Variants in CLVS1 observed in about 807,000 individuals in gnomAD.
The protein encoded by CLVS1 is clavesin-1.
In CLVS1, 10 loss-of-function variants were observed where a neutral mutation model predicts 33.1. The ratio of observed to expected loss-of-function variants is 0.30; its 90% CI spans 0.19 to 0.51. The LOEUF (loss-of-function observed/expected upper bound fraction) is 0.51, where lower values mean the gene tolerates loss of function less well. Ranked by LOEUF, CLVS1 falls within the 20% of genes least tolerant of loss-of-function variation. The probability of loss-of-function intolerance (pLI) is 0.97; values close to 1 mark genes in which losing one functional copy is unlikely to be tolerated. For missense variants in CLVS1, 343 were observed against 433.4 expected, an observed-to-expected ratio of 0.79 and a Z score of 1.85; for synonymous variants, 163 against 166.1, an observed-to-expected ratio of 0.98 and a Z score of 0.14.
At chr8:61,187,642 GATAT>G (rs1473541915) in intron 2 of CLVS1, among the ~76,000 whole-genome samples, 5 of 36,934 alleles carry the variant, frequency 1.4e-4, no homozygotes, top group South Asian at 1.1e-3. Flanking sequence ...GACTTTGCCA[GATAT>G]GCCAGATATA....
chr8:61,431,991 T>C (rs1399197064), intron 3 of CLVS1, among the ~76,000 whole-genome samples: 1 of 152,252 alleles, frequency 6.6e-6, no homozygotes, highest in Non-Finnish European at 1.5e-5. Context: ...GCTGTCTATC[T>C]TCAAAGACAA....
chr8:61,069,438 C>T (rs1190169999), intron 1 of CLVS1, among the ~76,000 whole-genome samples: 1 of 151,890 alleles, frequency 6.6e-6, no homozygotes, highest in East Asian at 1.9e-4. Flanking sequence ...CCTCTGTTTT[C>T]CCTTCCTTCC....
rs1039089934 is a variant in CLVS1, at chr8:61,239,274, A to G, written c.-151-60403A>G. 2.0e-5 allele frequency among the ~76,000 whole-genome samples: 3 copies of G among 152,348 alleles called. No individual in the cohort carries two copies. In the East Asian group the frequency reaches 5.8e-4, roughly 29 times the overall value. On this transcript the variant is annotated intron_variant, in intron 2 of 2. Coordinates refer to the CLVS1 transcript ENST00000522621. ...TACATTGTAGAATCTATACAACTGG[A>G]CATATCAACCCTGCAGAGACATTGC...
At chr8:61,175,852 C>A (rs1252736654) in intron 2 of CLVS1, among the ~76,000 whole-genome samples, 1 of 152,166 alleles carries the variant, frequency 6.6e-6, no homozygotes, top group African/African-American at 2.4e-5. Context: ...TGATTTGTTA[C>A]AGCAGCTTTA....
intron 5 of CLVS1, among the ~76,000 whole-genome samples, chr8:61,475,552 A>G (rs1817892551): frequency 6.6e-6 from 1 of 152,192 alleles, no homozygotes; most frequent in Non-Finnish European, 1.5e-5. Context: ...GTCAGTGATG[A>G]TGAGCATTTT....
At chr8:61,442,874 A>G (rs1333563082) in intron 3 of CLVS1, among the ~76,000 whole-genome samples, 1 of 152,098 alleles carries the variant, frequency 6.6e-6, no homozygotes, top group Non-Finnish European at 1.5e-5. Context: ...CTGGGATTAT[A>G]AGGCATGAGC....
At chr8:61,474,738 G>A (rs1024819762) in intron 5 of CLVS1, among the ~76,000 whole-genome samples, 5 of 152,164 alleles carry the variant, frequency 3.3e-5, no homozygotes, top group African/African-American at 1.2e-4. Context: ...TGTGCATGTG[G>A]CACCCCAAAG....
chr8:61,465,649 C>A (rs1039870162), intron 5 of CLVS1: 1 of 151,900 alleles, frequency 6.6e-6, no homozygotes, highest in Non-Finnish European at 1.5e-5. Context: ...ACTTTTTATT[C>A]CTGTTTTTTC....
upstream of CLVS1, among the ~76,000 whole-genome samples, chr8:61,053,861 C>A (rs4545092): frequency 0.57 from 86,266 of 152,110 alleles, 25,723 homozygotes; most frequent in African/African-American, 0.74. Context: ...GACATCCTAC[C>A]TGTCGGGTGG....
At chr8:60,994,607 T>G in the CLVS1 span, among the ~76,000 whole-genome samples, 1 of 152,192 alleles carries the variant, frequency 6.6e-6, no homozygotes, top group African/African-American at 2.4e-5. Context: ...CCTCTCTACC[T>G]GATGGGCTAC....
chr8:61,250,957 T>A (rs549677225), intron 2 of CLVS1, among the ~76,000 whole-genome samples: 1 of 152,220 alleles, frequency 6.6e-6, no homozygotes, highest in African/African-American at 2.4e-5. Flanking sequence ...CTGTGTTGAA[T>A]AGGAGTGGTG....
At chr8:61,204,994 A>T (rs767403229) in intron 2 of CLVS1, among the ~76,000 whole-genome samples, 2 of 152,258 alleles carry the variant, frequency 1.3e-5, no homozygotes, top group Non-Finnish European at 2.9e-5. Context: ...AAGAAATTTT[A>T]GAGATGGATA....
At chr8:61,407,511 C>T (rs1279753095) in intron 3 of CLVS1, among the ~76,000 whole-genome samples, 1 of 152,120 alleles carries the variant, frequency 6.6e-6, no homozygotes, top group African/African-American at 2.4e-5. Context: ...ATAAAAATGA[C>T]ATTTGAAAAT....
At chr8:61,100,298 T>C (rs1268954821) in intron 1 of CLVS1, among the ~76,000 whole-genome samples, 2 of 152,242 alleles carry the variant, frequency 1.3e-5, no homozygotes, top group East Asian at 3.8e-4. Flanking sequence ...AATCACTATT[T>C]TATTAATCAG....
chr8:61,139,709 C>T (rs1359801916), intron 2 of CLVS1, among the ~76,000 whole-genome samples: 5 of 152,060 alleles, frequency 3.3e-5, no homozygotes, highest in Admixed American at 2.0e-4. Context: ...TGCTTCCCCT[C>T]GGTGGTCGGG....
intron 2 of CLVS1, among the ~76,000 whole-genome samples, chr8:61,334,824 G>C (rs1811732109): frequency 6.6e-6 from 1 of 152,204 alleles, no homozygotes; most frequent in Non-Finnish European, 1.5e-5. Context: ...CAGCTGCCTA[G>C]ACAGAGCCGA....
chr8:61,084,445 G>A (rs992163220), intron 1 of CLVS1, among the ~76,000 whole-genome samples: 7 of 152,112 alleles, frequency 4.6e-5, no homozygotes, highest in Admixed American at 6.5e-5. Flanking sequence ...ATTTTTGATT[G>A]TCACAATTGG....
At chr8:61,102,146 T>C (rs1227143309) in intron 1 of CLVS1, among the ~76,000 whole-genome samples, 1 of 152,204 alleles carries the variant, frequency 6.6e-6, no homozygotes, top group Non-Finnish European at 1.5e-5. Context: ...AGATGGGATT[T>C]TTGAGCTGGA....
At chr8:61,172,665 C>T (rs1192082152) in intron 2 of CLVS1, among the ~76,000 whole-genome samples, 1 of 152,122 alleles carries the variant, frequency 6.6e-6, no homozygotes, top group East Asian at 1.9e-4. Context: ...TGCTGCCATA[C>T]GAATCTTTAA....
Sources: gnomAD v4.1 joint callset for allele counts (sites outside exome capture counted in the v4.1 genomes callset) on GRCh38, gnomAD v4.1.1 for gene constraint, MANE v1.5 for transcripts, NCBI Gene and HGNC (gene_info 2026-07-23, HGNC 2026-07-21) for gene names.